Variants in ATP5F1A observed in about 807,000 individuals in gnomAD.
ATP5F1A encodes ATP synthase F1 subunit alpha.
Under a neutral mutation model 57.4 loss-of-function variants are expected in ATP5F1A, and 24 were observed. The observed-to-expected ratio is 0.42, with a 90% CI of 0.30 to 0.59. The LOEUF (loss-of-function observed/expected upper bound fraction) is 0.59. Ranked by LOEUF, ATP5F1A falls within the 20% of genes least tolerant of loss-of-function variation. The pLI, the probability that ATP5F1A is intolerant of heterozygous loss-of-function variation, is 0.19. For synonymous variants in ATP5F1A, 251 were observed against 255.5 expected (o/e 0.98, Z 0.17); for missense variants, 494 against 707.9 (o/e 0.70, Z 3.43).
rs1313219525 is a variant in ATP5F1A at position 46,083,926 on chromosome 18, AGTGGGCCGACAGG to A, written c.*343_*355del. 6.4e-6 allele frequency: 1 copy of A among 156,972 alleles called. No individual in the cohort carries two copies. Among genetic ancestry groups the A allele is most frequent in the East Asian group, 1.9e-4 (1 of 5,326 alleles). The allele number at this position is 156,972 out of a possible 1,614,324, so 9.7% of individuals were successfully genotyped here. On this transcript the variant is annotated 3_prime_UTR_variant, in exon 12 of 12. Transcript: ENST00000398752. ...GCTTGAACCCGGAGACGGAGGTTGC[AGTGGGCCGACAGG>A]GTGCCACTGCACTCCAGCCTCAGTG...
upstream of ATP5F1A, among the ~76,000 whole-genome samples, chr18:46,099,732 T>G (rs1017448505): frequency 6.6e-6 from 1 of 152,112 alleles, no homozygotes; most frequent in Non-Finnish European, 1.5e-5. Flanking sequence ...CTGGGCCCGC[T>G]TTTCACCGTT....
rs1223811582 is a variant in ATP5F1A, at chr18:46,083,433, C to A, written c.*849G>T. The A allele has an allele frequency of 2.0e-5, 3 of 152,212 alleles. No individual in the cohort carries two copies. The highest frequency in any genetic ancestry group is 1.9e-4 in the East Asian group (1 of 5,194). 9.4% of individuals were successfully genotyped at this position (152,212 alleles called of 1,614,324 possible). On this transcript the variant is annotated 3_prime_UTR_variant, in exon 12 of 12. Transcript: ENST00000398752. ...CCAGCCTGGGTGAGAGAGATGGAGA[C>A]CCTGTCACAAAACAAACAAAAGAGA...
In ATP5F1A at chr18:46,087,406, T is replaced by C. The variant is rs77926733; in HGVS notation, c.886A>G (p.Met296Val). Residue 296 changes from methionine to valine, a missense_variant, in exon 7 of 12, where the codon ATG (methionine) becomes GTG (valine). Met to Val is a conservative substitution (Grantham distance 21). Transcript: ENST00000398752. The part of the protein sequence containing the change: ...QYLAPYSGCS[M>V]GEYFRDNGKH... ...CCATTGTCTCTAAAATACTCTCCCA[T>C]GGAACAGCCAGAGTAAGGAGCCAGG... is the stretch of plus-strand genomic sequence containing the variant. 4 of 1,614,110 alleles carry C rather than the reference T, an allele frequency of 2.5e-6. No individual in the cohort carries two copies. The highest frequency in any genetic ancestry group is 3.4e-6 in the Non-Finnish European group (4 of 1,180,018).
chr18:46,095,971 C>T (rs2144215248), intron 1 of ATP5F1A, among the ~76,000 whole-genome samples: 1 of 152,124 alleles, frequency 6.6e-6, no homozygotes, highest in East Asian at 2.0e-4. Flanking sequence ...TCATTGCAAC[C>T]TTCACCTCCC....
At chr18:46,098,449 A>G (rs1437984024), upstream of ATP5F1A, 3 of 1,322,264 alleles carry the variant, frequency 2.3e-6, no homozygotes, top group East Asian at 8.3e-5. Context: ...TTTAAACCTC[A>G]AAATGAATGA....
At chr18:46,102,913 T>G (rs1911322610), upstream of ATP5F1A, among the ~76,000 whole-genome samples, 1 of 151,768 alleles carries the variant, frequency 6.6e-6, no homozygotes, top group South Asian at 2.1e-4. Flanking sequence ...ACCACTATAC[T>G]CCAGCTTGGA....
chr18:46,096,712 C>T (rs1181056569), intron 1 of ATP5F1A, among the ~76,000 whole-genome samples: 1 of 151,018 alleles, frequency 6.6e-6, no homozygotes, highest in Non-Finnish European at 1.5e-5. Context: ...CCGGGCACGA[C>T]GGCTCATGCT....
At chr18:46,099,646 G>T (rs561022162), upstream of ATP5F1A, among the ~76,000 whole-genome samples, 3 of 152,060 alleles carry the variant, frequency 2.0e-5, no homozygotes, top group East Asian at 3.9e-4. Flanking sequence ...CAGGGCGTGG[G>T]GGGAGGTCTC....
At chr18:46,094,930 G>A (rs2144210994) in intron 2 of ATP5F1A, 123 bp downstream of exon 2, 2 of 1,310,908 alleles carry the variant, frequency 1.5e-6, no homozygotes, top group Non-Finnish European at 9.9e-7. Context: ...TTAAGAACCT[G>A]AGAGTCTATA....
Position 46,091,848 on chromosome 18 carries a change from G to T in ATP5F1A, c.143C>A (p.Thr48Asn). The T allele has an allele frequency of 2.5e-6, 4 of 1,611,126 alleles. No homozygotes were observed. In the East Asian group the frequency reaches 8.9e-5, roughly 36 times the overall value. The change falls in exon 3 of 12, where the codon ACT (threonine) becomes AAT (asparagine). Residue 48 changes from threonine (T) to asparagine (N), a missense_variant. This residue lies in a region of ATP5F1A where 142 missense variants were observed against 137.5 expected (regional missense o/e 1.03). Coordinates refer to ENST00000398752, the MANE Select transcript of ATP5F1A (RefSeq NM_004046.6). ...TTCAAGAATAGAGGACATCTCAGCA[G>T]TCCCTATGGAAGACAATTCAATTCA... ...ASNTHLQKTG[T>N]AEMSSILEER...
chr18:46,097,965 G>A, intron 1 of ATP5F1A: 2 of 1,338,214 alleles, frequency 1.5e-6, no homozygotes, highest in African/African-American at 1.5e-5. Context: ...CGAGTTAACT[G>A]TCTGCCCTGT....
intron 3 of ATP5F1A, 96 bp from the exon 4 acceptor site, chr18:46,090,092 G>A (rs1167823538): frequency 3.3e-5 from 17 of 511,866 alleles, no homozygotes; most frequent in South Asian, 8.6e-5. Context: ...GGGTGGGGGG[G>A]GAAGCAGTAT....
In ATP5F1A at chr18:46,081,298, C is replaced by A. The variant is rs778720687; in HGVS notation, c.*2984G>T. The A allele has an allele frequency of 6.6e-6, 1 of 151,176 alleles. No homozygotes were observed. Among genetic ancestry groups the A allele is most frequent in the Non-Finnish European group, 1.5e-5 (1 of 67,894 alleles). 9.4% of individuals were successfully genotyped at this position (151,176 alleles called of 1,614,324 possible). A position where few individuals can be genotyped will look rare whatever the true frequency, so the allele number is the denominator to read the frequency against. Reference sequence around the variant, plus strand: ...AGTCAACAAACAAACAATACATACTCCCAGTAATAAATTAATTCCAATCCA... The same window carrying A: ...AGTCAACAAACAAACAATACATACTACCAGTAATAAATTAATTCCAATCCA... On this transcript the variant is annotated 3_prime_UTR_variant, in exon 12 of 12. Coordinates refer to ENST00000398752, the MANE Select transcript of ATP5F1A (RefSeq NM_004046.6).
At chr18:46,092,122 A>G (rs1443438964) in intron 2 of ATP5F1A, 3 of 173,892 alleles carry the variant, frequency 1.7e-5, no homozygotes, top group Non-Finnish European at 3.6e-5. Context: ...GGTTGCGGTG[A>G]GCTGAAATCA....
upstream of ATP5F1A, among the ~76,000 whole-genome samples, chr18:46,102,017 A>G (rs1911289463): frequency 6.6e-6 from 1 of 151,984 alleles, no homozygotes; most frequent in Non-Finnish European, 1.5e-5. Context: ...TACTAAAAGT[A>G]CAAAAAATTA....
upstream of ATP5F1A, among the ~76,000 whole-genome samples, chr18:46,102,867 G>A (rs938665787): frequency 1.3e-5 from 2 of 152,178 alleles, no homozygotes; most frequent in African/African-American, 4.8e-5. Context: ...AGGATTGCTT[G>A]AGCCCAGGAG....
Position 46,087,067 on chromosome 18 carries a change from G to A in ATP5F1A, c.1117C>T (p.Gln373Ter). The A allele has an allele frequency of 6.2e-7, 1 of 1,614,104 alleles. No individual in the cohort carries two copies. The highest frequency in any genetic ancestry group is 8.5e-7 in the Non-Finnish European group (1 of 1,179,970). ...ATGTAAGCAGACACATCACCAGCCT[G>A]TGTTTCTATGACTGGCAAAGCAGTC... ...SLTALPVIET[Q>*]AGDVSAYIPT... The change falls in exon 8 of 12, where the codon CAG becomes TAG. Residue 373 changes from glutamine (Q) to a stop codon, truncating the protein, a stop_gained. Transcript: ENST00000398752. LOFTEE classifies it high-confidence loss of function.
At chr18:46,089,445 C>T (rs1367420897) in intron 5 of ATP5F1A, 121 bp downstream of exon 5, 1 of 1,219,040 alleles carries the variant, frequency 8.2e-7, no homozygotes, top group East Asian at 2.5e-5. Context: ...TGAAATTTTA[C>T]TATTAATCCT....
chr18:46,101,487 T>C (rs2515639), upstream of ATP5F1A, among the ~76,000 whole-genome samples: 37,425 of 151,810 alleles, frequency 0.25, 6,336 homozygotes, highest in African/African-American at 0.47. Context: ...ATCGCTTGAA[T>C]CCAGGAGGTG....
Sources: allele counts gnomAD v4.1 joint callset (sites outside exome capture counted in the v4.1 genomes callset), GRCh38; gene constraint gnomAD v4.1.1; regional missense constraint gnomAD v4.1.1; transcripts MANE v1.5; gene names NCBI Gene and HGNC (gene_info 2026-07-23, HGNC 2026-07-21).